The following DIAPH3 variants were observed in gnomAD, a reference collection of about 807,000 sequenced individuals.
DIAPH3 encodes protein diaphanous homolog 3.
Under a neutral mutation model 144.3 loss-of-function variants are expected in DIAPH3, and 117 were observed. The observed-to-expected ratio is 0.81, with a 90% confidence interval of 0.70 to 0.95. The LOEUF is 0.95. Ranked by LOEUF, DIAPH3 falls within the 40% of genes least tolerant of loss-of-function variation. DIAPH3 has a pLI of 0.00. For missense variants in DIAPH3, 1,421 were observed against 1,412.7 expected (o/e 1.01, Z -0.09); for synonymous variants, 519 against 488.9 (o/e 1.06, Z -0.81).
At chr13:59,864,223 T>A (rs930511348) in intron 21 of DIAPH3, among the ~76,000 whole-genome samples, 5 of 152,124 alleles carry the variant, frequency 3.3e-5, no homozygotes, top group Admixed American at 3.3e-4. Flanking sequence ...CATACTATCA[T>A]CTTAAATAGG....
chr13:59,857,366 C>T (rs781395335), intron 22 of DIAPH3, among the ~76,000 whole-genome samples: 8 of 152,092 alleles, frequency 5.3e-5, no homozygotes, highest in African/African-American at 9.6e-5. Flanking sequence ...AACCAGGAGA[C>T]GTATTTGAGC....
At chr13:60,117,956 G>A (rs780500719) in intron 2 of DIAPH3, among the ~76,000 whole-genome samples, 7 of 152,088 alleles carry the variant, frequency 4.6e-5, no homozygotes, top group Non-Finnish European at 8.8e-5. Flanking sequence ...ACAACCCAGA[G>A]AGGTGAAGTA....
intron 27 of DIAPH3, among the ~76,000 whole-genome samples, chr13:59,681,228 T>G (rs1288523307): frequency 6.6e-6 from 1 of 152,194 alleles, no homozygotes; most frequent in Non-Finnish European, 1.5e-5. Flanking sequence ...AACATTTTTT[T>G]GGGAGGCAGA....
intron 17 of DIAPH3, among the ~76,000 whole-genome samples, chr13:59,928,615 T>G (rs934742201): frequency 1.3e-5 from 2 of 152,166 alleles, no homozygotes; most frequent in South Asian, 4.1e-4. Flanking sequence ...AGCAGCCACA[T>G]AGTCTCTGTG....
chr13:59,879,031 T>A (rs1015505376), intron 21 of DIAPH3, among the ~76,000 whole-genome samples, 198 bp downstream of exon 21: 2 of 152,136 alleles, frequency 1.3e-5, no homozygotes, highest in Non-Finnish European at 2.9e-5. Context: ...ATTTGCAGAT[T>A]GAAGAAAATT....
At chr13:59,808,023 G>A (rs1212924064) in intron 25 of DIAPH3, among the ~76,000 whole-genome samples, 1 of 151,438 alleles carries the variant, frequency 6.6e-6, no homozygotes, top group Non-Finnish European at 1.5e-5. Context: ...ATGATTAAGG[G>A]AAGATTATAA....
intron 1 of DIAPH3, among the ~76,000 whole-genome samples, chr13:60,156,939 A>ATTTTTTTTTT (rs757042309): frequency 7.3e-5 from 6 of 82,062 alleles, no homozygotes; most frequent in Non-Finnish European, 1.1e-4. Flanking sequence ...ATATATATAT[A>ATTTTTTTTTT]TTTTTTTTTT....
At chr13:60,039,087 T>C (rs1232057175) in intron 5 of DIAPH3, among the ~76,000 whole-genome samples, 1 of 151,878 alleles carries the variant, frequency 6.6e-6, no homozygotes, top group East Asian at 1.9e-4. Flanking sequence ...TAGAAGATGT[T>C]TGTGATCTCT....
intron 3 of DIAPH3, among the ~76,000 whole-genome samples, chr13:60,109,343 G>A (rs1407890555): frequency 2.6e-5 from 4 of 152,056 alleles, no homozygotes; most frequent in Admixed American, 2.6e-4. Context: ...AATTTGTTAC[G>A]GCAGCAATAG....
intron 4 of DIAPH3, among the ~76,000 whole-genome samples, chr13:60,092,242 C>T (rs1453059603): frequency 1.3e-5 from 2 of 151,988 alleles, no homozygotes; most frequent in Non-Finnish European, 2.9e-5. Context: ...ATCCAAAACA[C>T]CAGAGCTCTG....
chr13:60,125,591 A>C (rs920665355), intron 2 of DIAPH3, among the ~76,000 whole-genome samples: 2 of 151,876 alleles, frequency 1.3e-5, no homozygotes, highest in African/African-American at 4.8e-5. Flanking sequence ...CCAGCATCTT[A>C]TATCTTTGTA....
intron 13 of DIAPH3, 127 bp from the exon 14 acceptor site, chr13:59,980,986 T>C (rs895833203): frequency 4.2e-6 from 3 of 706,738 alleles, no homozygotes; most frequent in Admixed American, 2.7e-5. Context: ...ATAAACAAAA[T>C]GGAAAAAATA....
At chr13:59,929,136 A>C (rs2047893582) in intron 17 of DIAPH3, among the ~76,000 whole-genome samples, 1 of 152,152 alleles carries the variant, frequency 6.6e-6, no homozygotes, top group African/African-American at 2.4e-5. Context: ...CAGATTAGAG[A>C]GATTTGGATT....
chr13:60,118,266 T>C (rs2058748182), intron 2 of DIAPH3, among the ~76,000 whole-genome samples: 1 of 152,226 alleles, frequency 6.6e-6, no homozygotes. Flanking sequence ...AGCTATAGTA[T>C]ATCACTGTAA....
chr13:59,886,644 T>C (rs996093032), intron 20 of DIAPH3, among the ~76,000 whole-genome samples: 12 of 152,086 alleles, frequency 7.9e-5, no homozygotes, highest in Non-Finnish European at 1.5e-4. Context: ...CTCAGCAATA[T>C]CTTACAGTTT....
intron 17 of DIAPH3, among the ~76,000 whole-genome samples, chr13:59,930,619 G>A (rs956889137): frequency 7.9e-5 from 12 of 152,152 alleles, no homozygotes; most frequent in Admixed American, 6.6e-4. Context: ...CACCAGAAAT[G>A]AGTCAGGTAC....
intron 3 of DIAPH3, among the ~76,000 whole-genome samples, chr13:60,097,580 T>G (rs2058143199): frequency 6.6e-6 from 1 of 152,192 alleles, no homozygotes; most frequent in South Asian, 2.1e-4. Flanking sequence ...TTTTAAATTA[T>G]TCAGCCTCAG....
intron 27 of DIAPH3, among the ~76,000 whole-genome samples, chr13:59,680,906 C>T (rs989756317): frequency 3.3e-5 from 5 of 152,180 alleles, no homozygotes; most frequent in African/African-American, 9.6e-5. Flanking sequence ...TCTCATGATA[C>T]GAAAAGACCG....
chr13:59,695,037 TA>T (rs902279791), intron 27 of DIAPH3, among the ~76,000 whole-genome samples: 12 of 152,222 alleles, frequency 7.9e-5, no homozygotes, highest in Admixed American at 2.0e-4. Flanking sequence ...CTACAGTCGA[TA>T]AAAATGAATA....
Sources: gnomAD v4.1 joint callset for allele counts (sites outside exome capture counted in the v4.1 genomes callset) on GRCh38, gnomAD v4.1.1 for gene constraint, MANE v1.5 for transcripts, NCBI Gene and HGNC (gene_info 2026-07-23, HGNC 2026-07-21) for gene names.